The following NEK10 variants were observed in gnomAD, a reference collection of about 807,000 sequenced individuals.
The protein encoded by NEK10 is serine/threonine-protein kinase Nek10.
A neutral mutation model predicts 159.8 loss-of-function variants in NEK10; 122 were observed. The observed-to-expected ratio is 0.76, with a 90% CI of 0.66 to 0.89. The LOEUF is 0.89. NEK10 is among the 40% of genes least tolerant of loss of function. NEK10 has a pLI of 0.00. For missense variants in NEK10, 1,342 were observed against 1,323.1 expected (o/e 1.01, Z -0.22); for synonymous variants, 466 against 457.1 (o/e 1.02, Z -0.25).
intron 32 of NEK10, among the ~76,000 whole-genome samples, chr3:27,123,550 C>T (rs2125463400): frequency 6.6e-6 from 1 of 152,138 alleles, no homozygotes; most frequent in Non-Finnish European, 1.5e-5. Flanking sequence ...TTGTGCCAAG[C>T]ACAGATCCAA....
chr3:27,253,827 T>C (rs920333217), intron 23 of NEK10, among the ~76,000 whole-genome samples: 4 of 152,168 alleles, frequency 2.6e-5, no homozygotes, highest in African/African-American at 7.2e-5. Flanking sequence ...ATAAGAATTA[T>C]AGAATTACAA....
intron 32 of NEK10, among the ~76,000 whole-genome samples, chr3:27,128,879 C>G (rs1438514850): frequency 6.6e-6 from 1 of 152,112 alleles, no homozygotes; most frequent in Admixed American, 6.6e-5. Flanking sequence ...CCAAAATCAC[C>G]TATATCCCCA....
chr3:27,141,213 C>T (rs1381832739), intron 31 of NEK10, among the ~76,000 whole-genome samples: 1 of 152,142 alleles, frequency 6.6e-6, no homozygotes, highest in Non-Finnish European at 1.5e-5. Flanking sequence ...TGCACCCCTA[C>T]AGGAGGGCCA....
intron 23 of NEK10, among the ~76,000 whole-genome samples, chr3:27,218,494 G>T (rs1267619188): frequency 1.3e-5 from 2 of 151,394 alleles, no homozygotes; most frequent in African/African-American, 4.9e-5. Flanking sequence ...AATCCCAGCT[G>T]CTCAGGAGGC....
chr3:27,219,846 A>G (rs1170980581), intron 23 of NEK10, among the ~76,000 whole-genome samples: 2 of 152,232 alleles, frequency 1.3e-5, no homozygotes, highest in Non-Finnish European at 2.9e-5. Flanking sequence ...TCACAAAAAA[A>G]TTACAGCTAA....
At chr3:27,208,380 G>C (rs985093221) in intron 23 of NEK10, among the ~76,000 whole-genome samples, 1 of 152,104 alleles carries the variant, frequency 6.6e-6, no homozygotes, top group Non-Finnish European at 1.5e-5. Flanking sequence ...CTTATTATAA[G>C]CACTTAATAG....
rs867933893 is a variant in NEK10 at position 27,110,732 on chromosome 3, A to C, written c.*540T>G. 1 of 152,758 alleles carries C rather than the reference A, an allele frequency of 6.5e-6. No homozygotes were observed. 9.5% of individuals were successfully genotyped at this position (152,758 alleles called of 1,614,324 possible). On this transcript the variant is annotated 3_prime_UTR_variant, in exon 36 of 36. Transcript: ENST00000691995. ...GAGAACCAACCCATCCATTAAAAAA[A>C]AAAAAATTTAATCACGTATTTTGAA... is the stretch of plus-strand genomic sequence containing the variant.
chr3:27,220,635 C>G (rs1270153664), intron 23 of NEK10, among the ~76,000 whole-genome samples: 1 of 151,898 alleles, frequency 6.6e-6, no homozygotes, highest in East Asian at 1.9e-4. Flanking sequence ...AGATTCAACA[C>G]AATTGGCTTT....
At chr3:27,195,539 A>T (rs1187657984) in intron 25 of NEK10, among the ~76,000 whole-genome samples, 1 of 152,238 alleles carries the variant, frequency 6.6e-6, no homozygotes, top group Non-Finnish European at 1.5e-5. Context: ...GCACCCTGCA[A>T]TCTTAATTTA....
At chr3:27,277,245 A>AGATCATGGCT (rs76634414) in intron 22 of NEK10, among the ~76,000 whole-genome samples, 40,262 of 151,922 alleles carry the variant, frequency 0.27, 5,443 homozygotes, top group Middle Eastern at 0.39. Context: ...AGAAAGGCCT[A>AGATCATGGCT]GATCACCCTA....
chr3:27,340,326 G>C (rs2047112318), intron 5 of NEK10, among the ~76,000 whole-genome samples: 1 of 152,180 alleles, frequency 6.6e-6, no homozygotes, highest in African/African-American at 2.4e-5. Context: ...ATGGACACAG[G>C]GAGGGGAACA....
intron 23 of NEK10, among the ~76,000 whole-genome samples, chr3:27,220,462 AT>A (rs749948356): frequency 1.3e-5 from 2 of 152,136 alleles, no homozygotes; most frequent in Non-Finnish European, 2.9e-5. Flanking sequence ...GACATTTGTC[AT>A]TACACTGGGT....
chr3:27,208,164 C>T (rs2120892), intron 23 of NEK10, among the ~76,000 whole-genome samples: 1 of 151,742 alleles, frequency 6.6e-6, no homozygotes, highest in Non-Finnish European at 1.5e-5. Context: ...CACTATGGTA[C>T]GATAGGAGTT....
In NEK10 at chr3:27,297,457, G is replaced by A. The variant is rs1231531793; in HGVS notation, c.1169-217C>T. On this transcript the variant is annotated intron_variant, in intron 13 of 35. Coordinates refer to ENST00000691995, the MANE Select transcript of NEK10 (RefSeq NM_001394966.1). ...TCTCCTCCCCATGTAATTCATGTGC[G>A]TGTCTATTCCACTGCAACCATTTAT... Among the ~76,000 whole-genome samples, 8 of 152,132 alleles carry A rather than the reference G, an allele frequency of 5.3e-5. No individual in the cohort carries two copies. In the East Asian group the frequency reaches 5.8e-4, roughly 11 times the overall value.
At chr3:27,224,265 G>C (rs925854240) in intron 23 of NEK10, among the ~76,000 whole-genome samples, 2 of 152,206 alleles carry the variant, frequency 1.3e-5, no homozygotes, top group African/African-American at 4.8e-5. Flanking sequence ...AACACTTTCA[G>C]CTGTCTGGCT....
intron 23 of NEK10, among the ~76,000 whole-genome samples, chr3:27,211,795 G>T (rs75338636): frequency 6.6e-6 from 1 of 152,090 alleles, no homozygotes; most frequent in African/African-American, 2.4e-5. Flanking sequence ...CAGTAAAGGA[G>T]ACAACTAATA....
intron 23 of NEK10, among the ~76,000 whole-genome samples, chr3:27,251,861 T>C (rs969848332): frequency 1.3e-5 from 2 of 151,682 alleles, no homozygotes; most frequent in African/African-American, 2.4e-5. Flanking sequence ...CTATGTAATA[T>C]ATAAAGATAA....
intron 23 of NEK10, among the ~76,000 whole-genome samples, chr3:27,234,958 T>C (rs1483168749): frequency 6.6e-6 from 1 of 151,720 alleles, no homozygotes; most frequent in Non-Finnish European, 1.5e-5. Context: ...AGAAATAAGA[T>C]TGCACACCTA....
At chr3:27,217,784 A>G (rs1194117748) in intron 23 of NEK10, among the ~76,000 whole-genome samples, 1 of 152,194 alleles carries the variant, frequency 6.6e-6, no homozygotes, top group Non-Finnish European at 1.5e-5. Context: ...ACATATAAAA[A>G]GAATTACAGT....
Sources: allele counts gnomAD v4.1 joint callset (sites outside exome capture counted in the v4.1 genomes callset), GRCh38; gene constraint gnomAD v4.1.1; transcripts MANE v1.5; gene names NCBI Gene and HGNC (gene_info 2026-07-23, HGNC 2026-07-21).